Variants in ERCC5 observed in about 807,000 individuals in gnomAD.
ERCC5 encodes the protein ERCC excision repair 5, endonuclease, also known as DNA excision repair protein ERCC-5.
ERCC5 carries 68 observed loss-of-function variants against 105.6 expected under a neutral mutation model. The ratio of observed to expected loss-of-function variants is 0.64; its 90% CI spans 0.53 to 0.79. The LOEUF (loss-of-function observed/expected upper bound fraction) is 0.79, where lower values mean the gene tolerates loss of function less well. ERCC5 is among the 30% of genes least tolerant of loss of function. The pLI is 0.00. For missense variants in ERCC5, 1,373 were observed against 1,426.7 expected (o/e 0.96, Z 0.61); for synonymous variants, 546 against 526.2 (o/e 1.04, Z -0.51).
rs370035207 is a variant in ERCC5 at position 102,875,879 on chromosome 13, G to A, written c.3537G>A (p.Ala1179=). The part of the protein sequence containing the change: ...FGKKRRKLRR[A]RGRKRKT ...AGAAAAGAAGGAAACTAAGACGTGCGAGGGGAAGAAAAAGGAAAACCTAAT... is the reference window on the plus strand; with the variant it reads ...AGAAAAGAAGGAAACTAAGACGTGCAAGGGGAAGAAAAAGGAAAACCTAAT... Residue 1179 remains alanine (A), a synonymous_variant, in exon 15 of 15, where the codon GCG becomes GCA. Transcript: ENST00000652225. The A allele has an allele frequency of 1.9e-5, 31 of 1,609,762 alleles. No homozygotes were observed. In the African/African-American group the frequency reaches 3.3e-4, roughly 17 times the overall value.
At position 102,855,661 on chromosome 13, in the gene ERCC5, A is replaced by G. The variant is rs753796340; in HGVS notation, c.468-391A>G. 1.1e-4 allele frequency among the ~76,000 whole-genome samples: 17 copies of G among 152,104 alleles called. 1 individual carries two copies. The highest frequency in any genetic ancestry group is 2.2e-4 in the Non-Finnish European group (15 of 68,032). ...GGCAGGCTTTCTTTTCCTTGTTTCTATATGGTCATACAACTTAGTTCTTTT... is the reference window on the plus strand; with the variant it reads ...GGCAGGCTTTCTTTTCCTTGTTTCTGTATGGTCATACAACTTAGTTCTTTT... On this transcript the variant is annotated intron_variant, in intron 4 of 14. Coordinates refer to ENST00000652225, the MANE Select transcript of ERCC5 (RefSeq NM_000123.4).
chr13:102,852,676 G>T (rs772078719), intron 2 of ERCC5, among the ~76,000 whole-genome samples: 13 of 152,254 alleles, frequency 8.5e-5, no homozygotes, highest in Admixed American at 7.9e-4. Context: ...AGTATCCTCC[G>T]TGATAGCAAG....
intron 14 of ERCC5, 120 bp downstream of exon 14, chr13:102,873,463 AT>A: frequency 8.9e-7 from 1 of 1,128,590 alleles, no homozygotes. Context: ...AATTAGGATA[AT>A]TTAGATGAGA....
chr13:102,865,812 C>T lies in ERCC5; in HGVS notation c.2100C>T (p.Leu700=). 6.2e-7 allele frequency: 1 copy of T among 1,614,172 alleles called. No individual in the cohort carries two copies. The highest frequency in any genetic ancestry group is 8.5e-7 in the Non-Finnish European group (1 of 1,180,038). The change falls in exon 9 of 15, where the codon CTC becomes CTT. Residue 700 remains leucine (L), a synonymous_variant. Coordinates refer to ENST00000652225, the MANE Select transcript of ERCC5 (RefSeq NM_000123.4). This position sits in a 1 kb window ranked among gnomAD's most constrained non-coding sequence, Gnocchi z 4.0. ...AAGCCCCTGCTGAGTCCGAGAGCCT[C>T]CTGAGGGACAACTCTGAGAGGGACG... is the stretch of plus-strand genomic sequence containing the variant. The part of the protein sequence containing the change: ...EGEAPAESES[L]LRDNSERDDV...
rs1479176260 is a variant in ERCC5 at position 102,861,642 on chromosome 13, G to A, written c.808G>A (p.Gly270Arg). 3 of 1,614,150 alleles carry A rather than the reference G, an allele frequency of 1.9e-6. No homozygotes were observed. The highest frequency in any genetic ancestry group is 1.7e-5 in the Admixed American group (1 of 60,030). ...CATCCGAAGGCAGTATGAAGATGAA[G>A]GGGGCTTTCTGAAGGAGGTAGAGTC... is the stretch of plus-strand genomic sequence containing the variant. ...GHIRRQYEDEGGFLKEVESRR... is the reference protein window; with the variant it reads ...GHIRRQYEDERGFLKEVESRR... Residue 270 changes from glycine to arginine, a missense_variant, in exon 7 of 15, where the codon GGG (glycine) becomes AGG (arginine). Physicochemically the swap from Gly to Arg is moderately radical, Grantham distance 125. Around this residue, in one of 3 missense-constraint regions of ERCC5, gnomAD observed 1,004 missense variants for 1,059.7 expected, o/e 0.95. Coordinates refer to ENST00000652225, the MANE Select transcript of ERCC5 (RefSeq NM_000123.4).
In ERCC5 at chr13:102,875,752, C is replaced by T. The variant is rs1233010372; in HGVS notation, c.3410C>T (p.Pro1137Leu). 3.7e-6 allele frequency: 6 copies of T among 1,614,006 alleles called. No individual in the cohort carries two copies. In the South Asian group the frequency reaches 5.5e-5, roughly 15 times the overall value. Reference protein sequence around the residue: ...SDSQNSVKEAPVKNGGATTSS... With the variant: ...SDSQNSVKEALVKNGGATTSS... ...TCGCAGAACTCAGTGAAGGAAGCTC[C>T]CGTGAAGAATGGAGGTGCGACCACC... The change falls in exon 15 of 15, where the codon CCC (proline) becomes CTC (leucine). Residue 1137 changes from proline (P) to leucine (L), a missense_variant. By Grantham distance (98) the Pro-to-Leu change is moderately conservative (BLOSUM62 -3). Around this residue, in one of 3 missense-constraint regions of ERCC5, gnomAD observed 367 missense variants for 350.2 expected, o/e 1.05. Transcript: ENST00000652225.
rs897050879 is a variant in ERCC5 at position 102,875,534 on chromosome 13, A to G, written c.3192A>G (p.Leu1064=). ...KTQKRGITNT[L]EESSSLKRKR... ...AGAAGAGAGGCATAACAAATACCTT[A>G]GAAGAGTCATCAAGCCTGAAAAGAA... Residue 1064 remains leucine, a synonymous_variant, in exon 15 of 15, where the codon TTA becomes TTG. Coordinates refer to ENST00000652225, the MANE Select transcript of ERCC5 (RefSeq NM_000123.4). 1.9e-6 allele frequency: 3 copies of G among 1,613,866 alleles called. No homozygotes were observed. Among genetic ancestry groups the G allele is most frequent in the African/African-American group, 1.3e-5 (1 of 74,922 alleles).
chr13:102,872,050 A>G lies in ERCC5; in HGVS notation c.2679-148A>G, dbSNP rs566301294. 1.1e-5 allele frequency: 10 copies of G among 937,766 alleles called. No homozygotes were observed. The African/African-American group carries it at 1.2e-4, about 11-fold the overall frequency. 58.1% of individuals were successfully genotyped at this position (937,766 alleles called of 1,614,324 possible). ...TTGCCATCATTATACATTGTGGCTA[A>G]TAGTACTAAAATTAATAAAATATTC... On this transcript the variant is annotated intron_variant, in intron 12 of 14. Transcript: ENST00000652225.
At chr13:102,848,944 T>C (rs2140514102) in intron 1 of ERCC5, among the ~76,000 whole-genome samples, 1 of 152,266 alleles carries the variant, frequency 6.6e-6, no homozygotes, top group East Asian at 1.9e-4. Flanking sequence ...TTTAGGCCCA[T>C]GGGGTTTAAT....
chr13:102,861,411 TG>T, intron 6 of ERCC5, 95 bp from the exon 7 acceptor site: 1 of 1,369,722 alleles, frequency 7.3e-7, no homozygotes, highest in East Asian at 2.5e-5. Context: ...AAAAGCCAAT[TG>T]TTCTTTGTTC....
chr13:102,858,913 A>C (rs1313424612), intron 6 of ERCC5: 1 of 456,092 alleles, frequency 2.2e-6, no homozygotes, highest in Admixed American at 2.3e-5. Flanking sequence ...AATTCCAGGT[A>C]TATCTTCCTC....
chr13:102,849,542 A>T, intron 1 of ERCC5: 1 of 416,756 alleles, frequency 2.4e-6, no homozygotes, highest in South Asian at 1.7e-5. Context: ...GTATTTTGTT[A>T]CATAGTGTTT....
chr13:102,875,916 T>A lies in ERCC5; in HGVS notation c.*13T>A. ...AAGGAAAACCTAATTAAAAAATATG[T>A]ATCCTCTATAATTAGTTATGACAGC... On this transcript the variant is annotated 3_prime_UTR_variant, in exon 15 of 15. Coordinates refer to ENST00000652225, the MANE Select transcript of ERCC5 (RefSeq NM_000123.4). 1.2e-6 allele frequency: 2 copies of A among 1,600,770 alleles called. No individual in the cohort carries two copies. Among genetic ancestry groups the A allele is most frequent in the East Asian group, 4.5e-5 (2 of 44,768 alleles).
chr13:102,863,070 A>G lies in ERCC5; in HGVS notation c.1921A>G (p.Met641Val), dbSNP rs750895278. ...TTCCATTCCAAAGGCCGTGGAACCA[A>G]TGGAAATTGACTCGGAAGAAAGTGA... ...LISIPKAVEPMEIDSEESESD... is the reference protein window; with the variant it reads ...LISIPKAVEPVEIDSEESESD... The change falls in exon 8 of 15, where the codon ATG (methionine) becomes GTG (valine). Residue 641 changes from methionine (M) to valine (V), a missense_variant. This residue lies in a region of ERCC5 where 1,004 missense variants were observed against 1,059.7 expected (regional missense o/e 0.95). Transcript: ENST00000652225. 1 of 1,614,068 alleles carries G rather than the reference A, an allele frequency of 6.2e-7. No individual in the cohort carries two copies. The highest frequency in any genetic ancestry group is 1.1e-5 in the South Asian group (1 of 91,076).
intron 8 of ERCC5, 87 bp downstream of exon 8, chr13:102,863,190 T>A: frequency 6.8e-7 from 1 of 1,460,412 alleles, no homozygotes; most frequent in Non-Finnish European, 9.3e-7. Flanking sequence ...AGTCCCGTTT[T>A]AACTTTTTAC....
In ERCC5 at chr13:102,863,700, C is replaced by T. The variant is rs4150325; in HGVS notation, c.1954+597C>T. Reference sequence around the variant, plus strand: ...CAGAGTTGGGGAAAAGCTTGAGTTGCCACACTGTCCCCTGCTGAGGTTAAG... The same window carrying T: ...CAGAGTTGGGGAAAAGCTTGAGTTGTCACACTGTCCCCTGCTGAGGTTAAG... On this transcript the variant is annotated intron_variant, in intron 8 of 14. Transcript: ENST00000652225. Among the ~76,000 whole-genome samples the T allele has an allele frequency of 5.5e-3, 838 of 152,232 alleles. 8 individuals are homozygous for T. The highest frequency in any genetic ancestry group is 0.019 in the African/African-American group (799 of 41,538).
chr13:102,846,631 G>A (rs552216952), intron 1 of ERCC5, among the ~76,000 whole-genome samples: 1 of 152,274 alleles, frequency 6.6e-6, no homozygotes, highest in South Asian at 2.1e-4. Flanking sequence ...ACCCACTTCC[G>A]TAATCTTTTA....
chr13:102,869,617 C>CG (rs1275878804), intron 12 of ERCC5, among the ~76,000 whole-genome samples: 1 of 152,038 alleles, frequency 6.6e-6, no homozygotes, highest in Admixed American at 6.5e-5. Context: ...AGATTTATAT[C>CG]GTTTTTAATG....
chr13:102,854,155 G>A (rs193203175), intron 3 of ERCC5, 133 bp from the exon 4 acceptor site: 274 of 973,876 alleles, frequency 2.8e-4, no homozygotes, highest in Non-Finnish European at 4.0e-4. Context: ...GAGCAGCCCC[G>A]CCAAGGTTCC....
Sources: gnomAD v4.1 joint callset for allele counts (sites outside exome capture counted in the v4.1 genomes callset) on GRCh38, gnomAD v4.1.1 for gene constraint, gnomAD v4.1.1 regional missense constraint, Gnocchi (gnomAD v3.1) non-coding constraint, MANE v1.5 for transcripts, NCBI Gene and HGNC (gene_info 2026-07-23, HGNC 2026-07-21) for gene names.